Variants in KCNQ1 observed in about 807,000 individuals in gnomAD.
KCNQ1 encodes potassium voltage-gated channel subfamily KQT member 1.
Under a neutral mutation model 72.4 loss-of-function variants are expected in KCNQ1, and 49 were observed. The observed-to-expected ratio is 0.68, with a 90% confidence interval of 0.54 to 0.86. The LOEUF (loss-of-function observed/expected upper bound fraction) is 0.86. Ranked by LOEUF, KCNQ1 falls within the 40% of genes least tolerant of loss-of-function variation. The pLI is 0.00. For missense variants in KCNQ1, 790 were observed against 945.1 expected (o/e 0.84, Z 2.15); for synonymous variants, 450 against 412.6 (o/e 1.09, Z -1.10).
At chr11:2,721,041 A>G (rs1851193743) in intron 11 of KCNQ1, among the ~76,000 whole-genome samples, 1 of 152,130 alleles carries the variant, frequency 6.6e-6, no homozygotes, top group African/African-American at 2.4e-5. Flanking sequence ...CAGGCCCCAG[A>G]TGCAAGAAAG....
chr11:2,716,687 T>C (rs1851098181), intron 11 of KCNQ1, among the ~76,000 whole-genome samples: 1 of 152,220 alleles, frequency 6.6e-6, no homozygotes, highest in Non-Finnish European at 1.5e-5. Flanking sequence ...AGACTCCAGA[T>C]TCCCCACTAC....
At chr11:2,546,518 C>T (rs1028093923) in intron 2 of KCNQ1, among the ~76,000 whole-genome samples, 26 of 152,160 alleles carry the variant, frequency 1.7e-4, no homozygotes, top group Middle Eastern at 3.2e-3. Flanking sequence ...TTTGTATCTA[C>T]TTGTTCTATT....
At chr11:2,449,927 G>C (rs1454136885) in intron 1 of KCNQ1, among the ~76,000 whole-genome samples, 2 of 152,122 alleles carry the variant, frequency 1.3e-5, no homozygotes, top group Non-Finnish European at 2.9e-5. Context: ...CAGGGAGCTG[G>C]TCCTGACGCA....
rs541224927 is a variant in KCNQ1 at position 2,600,682 on chromosome 11, A to G, written c.1393+11828A>G. Among the ~76,000 whole-genome samples, 10 of 152,332 alleles carry G rather than the reference A, an allele frequency of 6.6e-5. No homozygotes were observed. In the South Asian group the frequency reaches 1.2e-3, roughly 19 times the overall value. On this transcript the variant is annotated intron_variant, in intron 10 of 15. Transcript: ENST00000155840. This position sits in a 1 kb window ranked among gnomAD's most constrained non-coding sequence, Gnocchi z 5.6. ...TCCCATTTTGTCAGTTGCCATGACA[A>G]TGTCCTTTGTGGCATTTTTTCCTCC... is the stretch of plus-strand genomic sequence containing the variant.
chr11:2,656,471 TC>T, intron 10 of KCNQ1: 1 of 398,712 alleles, frequency 2.5e-6, no homozygotes. Flanking sequence ...CTGCTGGAAG[TC>T]TGCCACTCGC....
intron 10 of KCNQ1, chr11:2,629,830 G>T (rs926245805): frequency 2.5e-6 from 1 of 398,354 alleles, no homozygotes; most frequent in East Asian, 3.6e-5. Flanking sequence ...TTTTTGTGGA[G>T]TCTGTAGCAT....
intron 15 of KCNQ1, among the ~76,000 whole-genome samples, chr11:2,779,578 G>T (rs1187663008): frequency 6.6e-6 from 1 of 152,188 alleles, no homozygotes; most frequent in Non-Finnish European, 1.5e-5. Context: ...GCCACTCCCT[G>T]CCAAGCTCTG....
chr11:2,628,640 G>C (rs927946218), intron 10 of KCNQ1: 4 of 398,086 alleles, frequency 1.0e-5, no homozygotes, highest in African/African-American at 8.2e-5. Flanking sequence ...TTTTTTGTTT[G>C]ATGTAGTTCT....
At chr11:2,525,757 C>A (rs1377110954) in intron 1 of KCNQ1, among the ~76,000 whole-genome samples, 1 of 152,196 alleles carries the variant, frequency 6.6e-6, no homozygotes, top group Non-Finnish European at 1.5e-5. Context: ...GGGGGAGTAA[C>A]CTCAGGGAGC....
chr11:2,686,495 C>G (rs1850492299), intron 11 of KCNQ1: 1 of 398,578 alleles, frequency 2.5e-6, no homozygotes, highest in African/African-American at 2.1e-5. Context: ...CCACCCTCAC[C>G]CAGTGTTGAG....
At chr11:2,512,716 T>A (rs1847229953) in intron 1 of KCNQ1, among the ~76,000 whole-genome samples, 1 of 152,172 alleles carries the variant, frequency 6.6e-6, no homozygotes, top group Non-Finnish European at 1.5e-5. Flanking sequence ...TCCAGCCTGC[T>A]GTTACAGGGG....
rs868355733 is a variant in KCNQ1, at chr11:2,613,592, C to T, written c.1393+24738C>T. ...TATTTTTTCTTTAATTAGCACTTTT[C>T]AATTTTATATTTCTTTGTCCAGTTT... On this transcript the variant is annotated intron_variant, in intron 10 of 15. Transcript: ENST00000155840. This position sits in a 1 kb window ranked among gnomAD's most constrained non-coding sequence, Gnocchi z 4.8. 2.5e-6 allele frequency: 1 copy of T among 398,478 alleles called. No homozygotes were observed. The highest frequency in any genetic ancestry group is 6.3e-4 in the Middle Eastern group (1 of 1,588). 24.7% of individuals were successfully genotyped at this position (398,478 alleles called of 1,614,324 possible).
chr11:2,771,843 C>G (rs1283293642), intron 12 of KCNQ1, among the ~76,000 whole-genome samples: 1 of 152,190 alleles, frequency 6.6e-6, no homozygotes, highest in Non-Finnish European at 1.5e-5. Flanking sequence ...CCCTGCACTC[C>G]CTTCCAGACA....
Position 2,538,118 on chromosome 11 carries a change from C to T in KCNQ1, c.477+10100C>T, listed in dbSNP as rs971125790. Among the ~76,000 whole-genome samples, 2 of 152,206 alleles carry T rather than the reference C, an allele frequency of 1.3e-5. No homozygotes were observed. The highest frequency in any genetic ancestry group is 6.5e-5 in the Admixed American group (1 of 15,282). ...TATCCTCTGGAATGAGGACCTTCAA[C>T]TTAGCCAGGGTGTCCGACTCTCAGG... is the stretch of plus-strand genomic sequence containing the variant. On this transcript the variant is annotated intron_variant, in intron 2 of 15. Coordinates refer to ENST00000155840, the MANE Select transcript of KCNQ1 (RefSeq NM_000218.3). The surrounding 1 kb of genome is among the most constrained non-coding windows in gnomAD (Gnocchi z 6.7).
chr11:2,682,499 T>TGAGTGAGA lies in KCNQ1; in HGVS notation c.1514+20425_1514+20426insAGAGTGAG. The TGAGTGAGA allele has an allele frequency of 2.5e-6, 1 of 398,076 alleles. No homozygotes were observed. The highest frequency in any genetic ancestry group is 2.1e-5 in the African/African-American group (1 of 48,512). The allele number at this position is 398,076 out of a possible 1,614,324, so 24.7% of individuals were successfully genotyped here. On this transcript the variant is annotated intron_variant, in intron 11 of 15. Transcript: ENST00000155840. This position sits in a 1 kb window ranked among gnomAD's most constrained non-coding sequence, Gnocchi z 5.8. ...ACGAGTGAGTGAGTGAGTGAGTGAG[T>TGAGTGAGA]GAGTGAGTACTTGTGCCCAGGTCAA...
intron 11 of KCNQ1, chr11:2,684,101 C>A (rs902476099): frequency 4.8e-5 from 19 of 398,442 alleles, no homozygotes; most frequent in Non-Finnish European, 8.0e-5. Context: ...ATTTCAGAAC[C>A]CTTTCACATA....
chr11:2,618,581 C>T (rs1849109829), intron 10 of KCNQ1: 2 of 398,410 alleles, frequency 5.0e-6, no homozygotes, highest in Non-Finnish European at 8.8e-6. Flanking sequence ...TATGCCAGGA[C>T]CATACTGTTT....
In KCNQ1 at chr11:2,724,906, G is replaced by T. The variant is rs1254780061; in HGVS notation, c.1515-43938G>T. On this transcript the variant is annotated intron_variant, in intron 11 of 15. Transcript: ENST00000155840. This position sits in a 1 kb window ranked among gnomAD's most constrained non-coding sequence, Gnocchi z 6.8. ...GGAACACGGTGGTCTCTGTCACAGG[G>T]TAGAGATGACTGATCCAGTAACCTG... is the stretch of plus-strand genomic sequence containing the variant. Among the ~76,000 whole-genome samples, 1 of 152,210 alleles carries T rather than the reference G, an allele frequency of 6.6e-6. No homozygotes were observed. The highest frequency in any genetic ancestry group is 1.5e-5 in the Non-Finnish European group (1 of 68,048).
At chr11:2,553,612 C>T (rs189194453) in intron 2 of KCNQ1, among the ~76,000 whole-genome samples, 244 of 152,294 alleles carry the variant, frequency 1.6e-3, no homozygotes, top group Admixed American at 2.2e-3. Context: ...AATAGCAAAG[C>T]AAACTTGCTT....
Sources: gnomAD v4.1 joint callset for allele counts (sites outside exome capture counted in the v4.1 genomes callset) on GRCh38, gnomAD v4.1.1 for gene constraint, Gnocchi (gnomAD v3.1) non-coding constraint, MANE v1.5 for transcripts, NCBI Gene and HGNC (gene_info 2026-07-23, HGNC 2026-07-21) for gene names.